Variants in ROCK1 observed in about 807,000 individuals in gnomAD.
ROCK1 encodes rho-associated protein kinase 1.
Under a neutral mutation model 196.8 loss-of-function variants are expected in ROCK1, and 36 were observed. The observed-to-expected ratio is 0.18, with a 90% confidence interval of 0.14 to 0.24. The LOEUF (loss-of-function observed/expected upper bound fraction) is 0.24, where lower values mean the gene tolerates loss of function less well. Among genes scored for constraint, ROCK1 ranks in the 10% least tolerant of loss-of-function variants. The pLI, the probability that ROCK1 is intolerant of heterozygous loss-of-function variation, is 1.00. For synonymous variants in ROCK1, 443 were observed against 515.9 expected (o/e 0.86, Z 1.91); for missense variants, 920 against 1,562.0 (o/e 0.59, Z 6.93).
intron 27 of ROCK1, 82 bp downstream of exon 27, chr18:20,966,835 G>A (rs2035378247): frequency 9.2e-7 from 1 of 1,081,832 alleles, no homozygotes; most frequent in Non-Finnish European, 1.3e-6. Flanking sequence ...AAATGACAAG[G>A]AGGTAGAAAA....
At position 21,028,910 on chromosome 18, in the gene ROCK1, T is replaced by C. The variant is rs2035983664; in HGVS notation, c.1077A>G (p.Leu359=). ...RDTVAPVVPD[L]SSDIDTSNFD... ...AATTACTAGTATCAATGTCACTACT[T>C]AAATCGGGTACAACTGGTGCTACAG... is the stretch of plus-strand genomic sequence containing the variant. Residue 359 remains leucine, a synonymous_variant, in exon 10 of 33, where the codon TTA becomes TTG. Transcript: ENST00000399799. 6.2e-7 allele frequency: 1 copy of C among 1,610,740 alleles called. No homozygotes were observed.
In ROCK1 at chr18:20,984,385, T is replaced by C. The variant is rs759457359; in HGVS notation, c.2455A>G (p.Arg819Gly). 1.2e-6 allele frequency: 2 copies of C among 1,609,146 alleles called. No homozygotes were observed. The highest frequency in any genetic ancestry group is 3.4e-5 in the Admixed American group (2 of 59,358). The change falls in exon 20 of 33, where the codon AGA becomes GGA. Residue 819 changes from arginine (R) to glycine (G), a missense_variant. Around this residue, in one of 6 missense-constraint regions of ROCK1, gnomAD observed 520 missense variants for 657.1 expected, o/e 0.79. Coordinates refer to ENST00000399799, the MANE Select transcript of ROCK1 (RefSeq NM_005406.3). The stretch of plus-strand genomic sequence containing the variant: ...TGAGCTAACTCAAATTCTAATAATC[T>C]CTTTGCTTCCAATAAAGTATTTATT... ...QEINTLLEAK[R>G]LLEFELAQLT...
chr18:21,034,408 T>C (rs1298950150), intron 9 of ROCK1, among the ~76,000 whole-genome samples: 2 of 152,162 alleles, frequency 1.3e-5, no homozygotes, highest in African/African-American at 4.8e-5. Context: ...ACTACAGAGC[T>C]ACCATAATCA....
chr18:21,054,145 T>C (rs1268439873), intron 2 of ROCK1, among the ~76,000 whole-genome samples: 2 of 152,212 alleles, frequency 1.3e-5, no homozygotes, highest in Non-Finnish European at 2.9e-5. Flanking sequence ...CACTGAAATC[T>C]GAATTTCCTA....
chr18:21,002,020 A>G (rs779920419), intron 16 of ROCK1, among the ~76,000 whole-genome samples: 1 of 152,180 alleles, frequency 6.6e-6, no homozygotes, highest in Non-Finnish European at 1.5e-5. Context: ...TAAGCCAGAA[A>G]AAAAATCATT....
intron 29 of ROCK1, among the ~76,000 whole-genome samples, chr18:20,959,380 T>C (rs1486832689): frequency 6.8e-6 from 1 of 147,998 alleles, no homozygotes; most frequent in Non-Finnish European, 1.5e-5. Flanking sequence ...CCCAGCTAAT[T>C]TTTGGATTTT....
chr18:20,953,531 C>G, intron 32 of ROCK1, 47 bp downstream of exon 32: 1 of 1,392,094 alleles, frequency 7.2e-7, no homozygotes, highest in East Asian at 2.3e-5. Context: ...TAGCTGTTAT[C>G]CAATCATTTT....
At chr18:20,955,740 C>A (rs1284578998) in intron 29 of ROCK1, among the ~76,000 whole-genome samples, 17 of 148,254 alleles carry the variant, frequency 1.1e-4, no homozygotes, top group African/African-American at 4.3e-4. Flanking sequence ...AACTGTGATA[C>A]ATCTATACTA....
At chr18:21,022,210 A>G (rs2035919347) in intron 11 of ROCK1, among the ~76,000 whole-genome samples, 1 of 152,164 alleles carries the variant, frequency 6.6e-6, no homozygotes, top group Admixed American at 6.5e-5. Flanking sequence ...TGCTCTAGGA[A>G]TGGACAGATA....
At chr18:21,083,451 T>A (rs1204823288) in intron 1 of ROCK1, among the ~76,000 whole-genome samples, 3 of 152,174 alleles carry the variant, frequency 2.0e-5, no homozygotes, top group African/African-American at 7.2e-5. Flanking sequence ...ACCAAAATGG[T>A]GTACTGCTGG....
Position 20,982,832 on chromosome 18 carries a change from T to C in ROCK1, c.2490A>G (p.Lys830=). 2 of 1,487,210 alleles carry C rather than the reference T, an allele frequency of 1.3e-6. No homozygotes were observed. Among genetic ancestry groups the C allele is most frequent in the Non-Finnish European group, 1.9e-6 (2 of 1,073,952 alleles). The allele number at this position is 1,487,210 out of a possible 1,614,324, so 92.1% of individuals were successfully genotyped here. The change falls in exon 21 of 33, where the codon AAA becomes AAG. Residue 830 remains lysine, a splice_region_variant and synonymous_variant. Coordinates refer to ENST00000399799, the MANE Select transcript of ROCK1 (RefSeq NM_005406.3). The part of the protein sequence containing the change: ...LLEFELAQLT[K]QYRGNEGQMR... Reference sequence around the variant, plus strand: ...TCTGTCCTTCATTTCCTCTATACTGTCTTCAGATGAAAAGAAAAACAAGTG... The same window carrying C: ...TCTGTCCTTCATTTCCTCTATACTGCCTTCAGATGAAAAGAAAAACAAGTG...
Position 21,111,346 on chromosome 18 carries a change from A to G in ROCK1, c.-436T>C, listed in dbSNP as rs2040035030. 1 of 443,132 alleles carries G rather than the reference A, an allele frequency of 2.3e-6. No individual in the cohort carries two copies. The highest frequency in any genetic ancestry group is 2.1e-5 in the African/African-American group (1 of 48,704). 27.5% of individuals were successfully genotyped at this position (443,132 alleles called of 1,614,324 possible). A position where few individuals can be genotyped will look rare whatever the true frequency, so the allele number is the denominator to read the frequency against. Reference sequence around the variant, plus strand: ...GAGGGAGAAGAGGAAAGGCGAAAGCAAAGGGCGGGTGAGGAGCTGTGCCAG... The same window carrying G: ...GAGGGAGAAGAGGAAAGGCGAAAGCGAAGGGCGGGTGAGGAGCTGTGCCAG... On this transcript the variant is annotated 5_prime_UTR_variant, in exon 1 of 33. Transcript: ENST00000399799. This position sits in a 1 kb window ranked among gnomAD's most constrained non-coding sequence, Gnocchi z 4.2.
At chr18:21,049,279 C>T in intron 3 of ROCK1, 50 bp from the exon 4 acceptor site, 1 of 1,381,890 alleles carries the variant, frequency 7.2e-7, no homozygotes, top group South Asian at 1.6e-5. Flanking sequence ...ACATTTAAAG[C>T]TCAAGGTTTC....
chr18:21,067,505 A>G (rs1412269108), intron 2 of ROCK1, among the ~76,000 whole-genome samples: 1 of 149,972 alleles, frequency 6.7e-6, no homozygotes, highest in African/African-American at 2.5e-5. Context: ...TCCTTGCCTC[A>G]GCCTCTGAAG....
chr18:21,035,769 G>T (rs901583807), intron 9 of ROCK1, among the ~76,000 whole-genome samples: 1 of 152,100 alleles, frequency 6.6e-6, no homozygotes, highest in Non-Finnish European at 1.5e-5. Flanking sequence ...TACATGCTAT[G>T]ACATGAATGA....
At chr18:21,000,453 T>C (rs11876153) in intron 16 of ROCK1, among the ~76,000 whole-genome samples, 1 of 151,974 alleles carries the variant, frequency 6.6e-6, no homozygotes, top group Admixed American at 6.6e-5. Flanking sequence ...AGTAGAGACA[T>C]GGTTTTGCCA....
chr18:20,963,096 A>G (rs2035342290), intron 27 of ROCK1, among the ~76,000 whole-genome samples: 1 of 152,102 alleles, frequency 6.6e-6, no homozygotes, highest in East Asian at 1.9e-4. Context: ...CCACTGAGAG[A>G]ACCTCTAAGT....
At chr18:21,101,671 G>A (rs976472257) in intron 1 of ROCK1, among the ~76,000 whole-genome samples, 7 of 152,302 alleles carry the variant, frequency 4.6e-5, no homozygotes, top group East Asian at 3.9e-4. Flanking sequence ...TCTATATTAA[G>A]AGACTTAAAA....
chr18:21,024,961 T>G (rs115067391), intron 10 of ROCK1, among the ~76,000 whole-genome samples: 1,784 of 152,320 alleles, frequency 0.012, 41 homozygotes, highest in African/African-American at 0.041. Context: ...ATAAGGCATA[T>G]AGCAATGCCA....
Sources: allele counts gnomAD v4.1 joint callset (sites outside exome capture counted in the v4.1 genomes callset), GRCh38; gene constraint gnomAD v4.1.1; regional missense constraint gnomAD v4.1.1; non-coding constraint Gnocchi (gnomAD v3.1); transcripts MANE v1.5; gene names NCBI Gene and HGNC (gene_info 2026-07-23, HGNC 2026-07-21).